The following PLB1 variants were observed in gnomAD, a reference collection of about 807,000 sequenced individuals.
PLB1 encodes the protein phospholipase B1, membrane-associated.
In PLB1, 242 loss-of-function variants were observed where a neutral mutation model predicts 227.4. The ratio of observed to expected loss-of-function variants is 1.06; its 90% CI spans 0.96 to 1.18. The LOEUF (loss-of-function observed/expected upper bound fraction) is 1.18. PLB1 is among the 50% of genes most tolerant of loss of function. The pLI, the probability that PLB1 is intolerant of heterozygous loss-of-function variation, is 0.00. For missense variants in PLB1, 1,858 were observed against 1,816.3 expected, an observed-to-expected ratio of 1.02 and a Z score of -0.42; for synonymous variants, 757 against 682.2, an observed-to-expected ratio of 1.11 and a Z score of -1.71.
chr2:28,607,676 C>T (rs1684877216), intron 43 of PLB1, among the ~76,000 whole-genome samples: 1 of 152,112 alleles, frequency 6.6e-6, no homozygotes, highest in African/African-American at 2.4e-5. Context: ...TTAGAGGCCC[C>T]TACTGTGCCA....
At position 28,625,081 on chromosome 2, in the gene PLB1, C is replaced by T. The variant is rs1222312678; in HGVS notation, c.3552C>T (p.Asp1184=). The T allele has an allele frequency of 6.2e-7, 1 of 1,613,536 alleles. No individual in the cohort carries two copies. Among genetic ancestry groups the T allele is most frequent in the African/African-American group, 1.3e-5 (1 of 74,900 alleles). ...RARDMPAQAW[D]LVERMKNSPD... ...GGGACATGCCAGCCCAGGCCTGGGA[C>T]CTGGTAGAGCGAATGAAAAACAGCC... The change falls in exon 50 of 58, where the codon GAC becomes GAT. Residue 1184 remains aspartate, a synonymous_variant. Transcript: ENST00000327757.
At chr2:28,590,713 C>T (rs901621347) in intron 29 of PLB1, among the ~76,000 whole-genome samples, 2 of 152,062 alleles carry the variant, frequency 1.3e-5, no homozygotes, top group Non-Finnish European at 2.9e-5. Flanking sequence ...AATCATCTGA[C>T]TTTTCTTGCC....
At chr2:28,509,672 T>C (rs1025695967) in intron 1 of PLB1, among the ~76,000 whole-genome samples, 18 of 152,230 alleles carry the variant, frequency 1.2e-4, no homozygotes, top group Non-Finnish European at 1.0e-4. Context: ...GCTTGTTTTT[T>C]TCCCCTGACT....
chr2:28,598,125 A>G, intron 34 of PLB1, 77 bp downstream of exon 34: 1 of 1,274,230 alleles, frequency 7.8e-7, no homozygotes, highest in Middle Eastern at 1.9e-4. Flanking sequence ...AGTGCCTCCC[A>G]GGTAAGCAGC....
Position 28,621,397 on chromosome 2 carries a change from T to C in PLB1, c.3527+419T>C, listed in dbSNP as rs112384788. 6.8e-4 allele frequency among the ~76,000 whole-genome samples: 103 copies of C among 152,308 alleles called. 1 individual carries two copies. The highest frequency in any genetic ancestry group is 2.5e-3 in the African/African-American group (103 of 41,574). ...CTCAGCACCTCGACAACTGAGTGCATGACCCGGGGGATAGCTGCCCTTTCT... is the reference window on the plus strand; with the variant it reads ...CTCAGCACCTCGACAACTGAGTGCACGACCCGGGGGATAGCTGCCCTTTCT... On this transcript the variant is annotated intron_variant, in intron 49 of 57. Transcript: ENST00000327757.
chr2:28,638,710 G>A (rs182089736), intron 56 of PLB1, among the ~76,000 whole-genome samples: 2 of 149,340 alleles, frequency 1.3e-5, no homozygotes, highest in African/African-American at 4.9e-5. Flanking sequence ...CAGCGTGGGA[G>A]GAAAAAAAAT....
At chr2:28,501,497 TTC>T (rs2148154763) in intron 1 of PLB1, among the ~76,000 whole-genome samples, 1 of 152,342 alleles carries the variant, frequency 6.6e-6, no homozygotes, top group Admixed American at 6.5e-5. Flanking sequence ...AATTTTGTGT[TTC>T]TTCTGTTCTT....
chr2:28,602,053 TTCTC>T lies in PLB1; in HGVS notation c.2673+92_2673+95del, dbSNP rs1051543131. On this transcript the variant is annotated intron_variant, in intron 38 of 57. Transcript: ENST00000327757. ...GGGAAAGAATGAGAGAAGAACCCCTTTCTCTCAAGGAGACAGCCAGGGGCATGGA... is the reference window on the plus strand; with the variant it reads ...GGGAAAGAATGAGAGAAGAACCCCTTTCAAGGAGACAGCCAGGGGCATGGA... The T allele has an allele frequency of 2.7e-5, 35 of 1,284,498 alleles. No homozygotes were observed. The African/African-American group carries it at 5.0e-4, about 18-fold the overall frequency. The allele number at this position is 1,284,498 out of a possible 1,614,324, so 79.6% of individuals were successfully genotyped here.
intron 41 of PLB1, among the ~76,000 whole-genome samples, chr2:28,605,112 A>T (rs1041237331): frequency 6.6e-6 from 1 of 152,208 alleles, no homozygotes; most frequent in Admixed American, 6.5e-5. Flanking sequence ...AGGGACAGGG[A>T]GGCCAACATG....
intron 1 of PLB1, among the ~76,000 whole-genome samples, chr2:28,510,127 G>A (rs564414557): frequency 2.3e-4 from 35 of 152,138 alleles, no homozygotes; most frequent in Non-Finnish European, 4.9e-4. Context: ...TCTAAAAGAT[G>A]GTCTATGCTG....
chr2:28,609,355 A>G (rs139143483), intron 43 of PLB1, among the ~76,000 whole-genome samples: 35 of 152,006 alleles, frequency 2.3e-4, no homozygotes, highest in African/African-American at 5.8e-4. Flanking sequence ...CCGAACTCCA[A>G]TCCTCTATTT....
At chr2:28,510,623 C>CT (rs1558640256) in intron 1 of PLB1, among the ~76,000 whole-genome samples, 1 of 56,208 alleles carries the variant, frequency 1.8e-5, no homozygotes, top group East Asian at 4.5e-4. Context: ...CTTTTTCTCT[C>CT]TCTTTTTTTT....
chr2:28,497,581 C>T (rs928314442), intron 1 of PLB1, among the ~76,000 whole-genome samples: 1 of 152,200 alleles, frequency 6.6e-6, no homozygotes, highest in Non-Finnish European at 1.5e-5. Context: ...GAGAAGATGG[C>T]AGTCATTAAC....
At chr2:28,510,895 T>C (rs1004550828) in intron 1 of PLB1, among the ~76,000 whole-genome samples, 1 of 151,888 alleles carries the variant, frequency 6.6e-6, no homozygotes, top group Non-Finnish European at 1.5e-5. Flanking sequence ...CTCAAAGCAT[T>C]GAGATTACAA....
At chr2:28,512,222 CT>C (rs1437921695) in intron 1 of PLB1, among the ~76,000 whole-genome samples, 5 of 151,908 alleles carry the variant, frequency 3.3e-5, no homozygotes, top group African/African-American at 1.2e-4. Flanking sequence ...TACTTACTAT[CT>C]TTAAGTTTAC....
chr2:28,510,211 CT>C (rs1668073300), intron 1 of PLB1, among the ~76,000 whole-genome samples: 1 of 152,178 alleles, frequency 6.6e-6, no homozygotes, highest in Admixed American at 6.5e-5. Context: ...GCATTTAATC[CT>C]CACGCAACTC....
intron 25 of PLB1, among the ~76,000 whole-genome samples, chr2:28,585,062 G>A (rs1373708820): frequency 6.6e-6 from 1 of 152,172 alleles, no homozygotes; most frequent in African/African-American, 2.4e-5. Context: ...GCTTGGTACA[G>A]TGTTCAATGT....
At chr2:28,607,305 C>T (rs1684821860) in intron 43 of PLB1, among the ~76,000 whole-genome samples, 1 of 152,114 alleles carries the variant, frequency 6.6e-6, no homozygotes, top group African/African-American at 2.4e-5. Context: ...GGTTTCCCTC[C>T]TAGGTCGGCC....
chr2:28,644,034 G>A lies in PLB1; in HGVS notation c.*973G>A, dbSNP rs981768201. ...CTTTGAAAATAGAAGTGATGCTTGC[G>A]CAACACCGTGAATGTACTAAACGCC... On this transcript the variant is annotated 3_prime_UTR_variant, in exon 58 of 58. Transcript: ENST00000327757. 3.9e-5 allele frequency among the ~76,000 whole-genome samples: 6 copies of A among 152,300 alleles called. No individual in the cohort carries two copies. In the South Asian group the frequency reaches 1.0e-3, roughly 26 times the overall value.
Sources: gnomAD v4.1 joint callset for allele counts (sites outside exome capture counted in the v4.1 genomes callset) on GRCh38, gnomAD v4.1.1 for gene constraint, MANE v1.5 for transcripts, NCBI Gene and HGNC (gene_info 2026-07-23, HGNC 2026-07-21) for gene names.